CSMD1: variants seen among roughly 807,000 people sequenced by gnomAD.
CSMD1 encodes the protein CUB and Sushi multiple domains 1.
A neutral mutation model predicts 417.5 loss-of-function variants in CSMD1; 213 were observed. The ratio of observed to expected loss-of-function variants is 0.51; its 90% CI spans 0.46 to 0.57. The LOEUF is 0.57. Ranked by LOEUF, CSMD1 falls within the 20% of genes least tolerant of loss-of-function variation. CSMD1 has a pLI of 0.00. For missense variants in CSMD1, 6,923 were observed against 4,529.7 expected (o/e 1.53, Z -15.17); for synonymous variants, 2,862 against 1,736.8 (o/e 1.65, Z -16.11).
intron 5 of CSMD1, among the ~76,000 whole-genome samples, chr8:3,866,816 G>T (rs1363199054): frequency 1.3e-5 from 2 of 152,104 alleles, no homozygotes; most frequent in Non-Finnish European, 2.9e-5. Context: ...TAATATGAAG[G>T]ACTTCAAATC....
At chr8:4,679,512 C>T (rs902762327) in intron 1 of CSMD1, among the ~76,000 whole-genome samples, 9 of 152,174 alleles carry the variant, frequency 5.9e-5, no homozygotes, top group Admixed American at 2.6e-4. Flanking sequence ...GTCTAGACTT[C>T]GCTTCTGGCA....
intron 23 of CSMD1, among the ~76,000 whole-genome samples, chr8:3,316,059 G>A (rs1805731774): frequency 6.6e-6 from 1 of 152,084 alleles, no homozygotes; most frequent in Admixed American, 6.6e-5. Flanking sequence ...CTCTGTTGAG[G>A]ATATTTAAAA....
chr8:4,104,438 GCACA>G lies in CSMD1; in HGVS notation c.416-72343_416-72340del, dbSNP rs58522554. ...CGCACACACACATGCGCACACGCATGCACACACACACACAGGATATGTGCACTGA... is the reference window on the plus strand; with the variant it reads ...CGCACACACACATGCGCACACGCATGCACACACACAGGATATGTGCACTGA... On this transcript the variant is annotated intron_variant, in intron 3 of 69. Transcript: ENST00000635120. Among the ~76,000 whole-genome samples, 10 of 151,456 alleles carry G rather than the reference GCACA, an allele frequency of 6.6e-5. No individual in the cohort carries two copies. The East Asian group carries it at 1.6e-3, about 24-fold the overall frequency.
chr8:3,796,450 GATATAGATATCTATCATGT>G (rs1192202385), intron 5 of CSMD1, among the ~76,000 whole-genome samples: 3 of 123,574 alleles, frequency 2.4e-5, no homozygotes, highest in Non-Finnish European at 4.9e-5. Flanking sequence ...ATCGTGTATA[GATATAGATATCTATCATGT>G]ATATAGATAT....
At chr8:3,198,190 G>T (rs1796803477) in intron 33 of CSMD1, among the ~76,000 whole-genome samples, 1 of 152,100 alleles carries the variant, frequency 6.6e-6, no homozygotes, top group African/African-American at 2.4e-5. Flanking sequence ...CAGGATATTT[G>T]CATGCAATAT....
At chr8:3,705,930 C>A (rs1270624481) in intron 7 of CSMD1, among the ~76,000 whole-genome samples, 2 of 152,208 alleles carry the variant, frequency 1.3e-5, no homozygotes, top group Non-Finnish European at 2.9e-5. Context: ...CAGCAATAGG[C>A]ATGTGGGCAG....
intron 1 of CSMD1, among the ~76,000 whole-genome samples, chr8:4,851,310 G>C (rs546378477): frequency 4.6e-5 from 7 of 152,010 alleles, no homozygotes; most frequent in Admixed American, 2.0e-4. Context: ...GTATTCTATG[G>C]TGTATACATG....
At chr8:3,979,603 G>T (rs1321796700) in intron 5 of CSMD1, among the ~76,000 whole-genome samples, 2 of 152,256 alleles carry the variant, frequency 1.3e-5, no homozygotes, top group Admixed American at 1.3e-4. Context: ...CGGCCAACAT[G>T]ATGAGATTAT....
intron 3 of CSMD1, among the ~76,000 whole-genome samples, chr8:4,131,042 G>T (rs1002402360): frequency 1.3e-5 from 2 of 152,066 alleles, no homozygotes; most frequent in Non-Finnish European, 2.9e-5. Flanking sequence ...AAGCGTGATT[G>T]GATTTGTCCT....
intron 2 of CSMD1, among the ~76,000 whole-genome samples, chr8:4,632,544 C>T (rs180814793): frequency 3.0e-4 from 46 of 152,034 alleles, no homozygotes; most frequent in Admixed American, 9.8e-4. Context: ...AAACTCAAGA[C>T]GTTGGTAATC....
At chr8:4,963,050 G>A (rs139570531) in intron 1 of CSMD1, among the ~76,000 whole-genome samples, 30 of 152,194 alleles carry the variant, frequency 2.0e-4, no homozygotes, top group Non-Finnish European at 3.4e-4. Context: ...CTCCTGCATG[G>A]AACTGCACCC....
At chr8:3,065,947 G>C (rs1434452522) in intron 49 of CSMD1, among the ~76,000 whole-genome samples, 2 of 152,152 alleles carry the variant, frequency 1.3e-5, no homozygotes, top group Non-Finnish European at 2.9e-5. Flanking sequence ...GCCAGCCAGA[G>C]TCTTTCTCCG....
At chr8:3,763,455 C>G (rs957046268) in intron 5 of CSMD1, among the ~76,000 whole-genome samples, 6 of 152,032 alleles carry the variant, frequency 3.9e-5, no homozygotes, top group African/African-American at 1.4e-4. Context: ...TAGCACTCCC[C>G]CCTCTCCTCT....
rs79623444 is a variant in CSMD1 at position 3,778,527 on chromosome 8, C to T, written c.819-24485G>A. Among the ~76,000 whole-genome samples the T allele has an allele frequency of 9.6e-3, 1,467 of 152,302 alleles. 27 individuals are homozygous for T. The highest frequency in any genetic ancestry group is 0.033 in the African/African-American group (1,382 of 41,554). On this transcript the variant is annotated intron_variant, in intron 5 of 69. Transcript: ENST00000635120. The stretch of plus-strand genomic sequence containing the variant: ...ATCCCTACCTTCTACAAGAACGCTG[C>T]CCGTGTGCCTGTGCACGCTCTTGCC...
chr8:3,970,330 C>G (rs776933118), intron 5 of CSMD1, among the ~76,000 whole-genome samples: 3 of 152,160 alleles, frequency 2.0e-5, no homozygotes, highest in Non-Finnish European at 4.4e-5. Context: ...ACAGAGAATC[C>G]TATACCAGCA....
At chr8:3,593,581 G>A (rs1463546582) in intron 8 of CSMD1, among the ~76,000 whole-genome samples, 2 of 152,184 alleles carry the variant, frequency 1.3e-5, no homozygotes, top group African/African-American at 4.8e-5. Flanking sequence ...CTTTTAACCT[G>A]CTTCACTGGG....
chr8:4,474,139 G>C (rs556069916), intron 2 of CSMD1, among the ~76,000 whole-genome samples: 1 of 152,076 alleles, frequency 6.6e-6, no homozygotes, highest in Non-Finnish European at 1.5e-5. Flanking sequence ...TGATAAATTT[G>C]CCTGCCTTAC....
chr8:4,314,618 CA>C (rs1798816701), intron 3 of CSMD1, among the ~76,000 whole-genome samples: 2 of 152,108 alleles, frequency 1.3e-5, no homozygotes, highest in Middle Eastern at 3.2e-3. Flanking sequence ...CACACACACA[CA>C]CACACACAAA....
intron 5 of CSMD1, among the ~76,000 whole-genome samples, chr8:3,848,370 CAT>C (rs1803656362): frequency 6.6e-6 from 1 of 150,622 alleles, no homozygotes; most frequent in Non-Finnish European, 1.5e-5. Context: ...GAAAAAGACT[CAT>C]TTTTTTTCTC....
Sources: allele counts gnomAD v4.1 joint callset (sites outside exome capture counted in the v4.1 genomes callset), GRCh38; gene constraint gnomAD v4.1.1; transcripts MANE v1.5; gene names NCBI Gene and HGNC (gene_info 2026-07-23, HGNC 2026-07-21).